Variants in EIF4G3 observed in about 807,000 individuals in gnomAD.
EIF4G3 encodes eukaryotic translation initiation factor 4 gamma 3.
Under a neutral mutation model 186.4 loss-of-function variants are expected in EIF4G3, and 34 were observed. The ratio of observed to expected loss-of-function variants is 0.18; its 90% CI spans 0.14 to 0.24. The LOEUF is 0.24. Ranked by LOEUF, EIF4G3 falls within the 10% of genes least tolerant of loss-of-function variation. The pLI, the probability that EIF4G3 is intolerant of heterozygous loss-of-function variation, is 1.00. For missense variants in EIF4G3, 1,536 were observed against 1,948.5 expected (o/e 0.79, Z 3.99); for synonymous variants, 673 against 679.5 (o/e 0.99, Z 0.15).
intron 29 of EIF4G3, among the ~76,000 whole-genome samples, chr1:20,843,996 G>A (rs918520707): frequency 6.6e-6 from 1 of 152,172 alleles, no homozygotes; most frequent in Non-Finnish European, 1.5e-5. Flanking sequence ...TTGGTCCTTT[G>A]TATGGCTGTA....
At chr1:20,970,876 A>G (rs564426911) in intron 11 of EIF4G3, among the ~76,000 whole-genome samples, 1 of 151,954 alleles carries the variant, frequency 6.6e-6, no homozygotes, top group Non-Finnish European at 1.5e-5. Context: ...AGGCAGGAGA[A>G]TCGCTTGAAC....
rs5772928 is a variant in EIF4G3 at position 20,998,212 on chromosome 1, TACACACACACAC to T, written c.145-591_145-580del. Among the ~76,000 whole-genome samples the T allele has an allele frequency of 7.0e-3, 1,035 of 148,566 alleles. 7 individuals carry two copies. The highest frequency in any genetic ancestry group is 0.02 in the South Asian group (93 of 4,690). On this transcript the variant is annotated intron_variant, in intron 6 of 36. Transcript: ENST00000602326. ...GTTAAAGAAAAATCTTTTATGACTT[TACACACACACAC>T]ACACACACACACACACACACACACA...
chr1:21,150,241 C>A (rs535591191), intron 2 of EIF4G3, among the ~76,000 whole-genome samples: 2 of 152,160 alleles, frequency 1.3e-5, no homozygotes, highest in African/African-American at 4.8e-5. Context: ...AAAGCCAGGA[C>A]GGCAAGGACA....
At chr1:20,828,552 T>C (rs1251457860) in intron 31 of EIF4G3, among the ~76,000 whole-genome samples, 4 of 152,206 alleles carry the variant, frequency 2.6e-5, no homozygotes, top group Non-Finnish European at 5.9e-5. Context: ...ATGCTAAGTA[T>C]GTTTTGTTAA....
chr1:21,167,396 C>T (rs561635803), intron 2 of EIF4G3, among the ~76,000 whole-genome samples: 1 of 152,248 alleles, frequency 6.6e-6, no homozygotes, highest in African/African-American at 2.4e-5. Context: ...ATGCCAGACG[C>T]GATGGCTCAC....
rs34145998 is a variant in EIF4G3, at chr1:21,160,107, C to CAA, written c.-272+16066_-272+16067dup. ...GGGCAGCAAGAGCGAAACTCCATCT[C>CAA]AAAAAAAAAAAAAAAAGATAATGGC... On this transcript the variant is annotated intron_variant, in intron 2 of 36. Transcript: ENST00000602326. Among the ~76,000 whole-genome samples, 105 of 114,072 alleles carry CAA rather than the reference C, an allele frequency of 9.2e-4. 2 individuals are homozygous for CAA. Among genetic ancestry groups the CAA allele is most frequent in the South Asian group, 4.9e-3 (17 of 3,450 alleles). 74.8% of individuals were successfully genotyped at this position (114,072 alleles called of 152,430 possible).
chr1:21,159,365 A>C (rs576325204), intron 2 of EIF4G3, among the ~76,000 whole-genome samples: 1 of 151,816 alleles, frequency 6.6e-6, no homozygotes, highest in East Asian at 1.9e-4. Flanking sequence ...CCTTGAGTCC[A>C]GGAGTTTGAG....
At chr1:20,919,895 A>T (rs2094335259) in intron 14 of EIF4G3, among the ~76,000 whole-genome samples, 1 of 144,448 alleles carries the variant, frequency 6.9e-6, no homozygotes, top group South Asian at 2.2e-4. Flanking sequence ...GACTTCAGTT[A>T]GCCCTCTGGA....
At chr1:21,132,644 T>C (rs2097174167) in intron 2 of EIF4G3, among the ~76,000 whole-genome samples, 1 of 152,122 alleles carries the variant, frequency 6.6e-6, no homozygotes, top group South Asian at 2.1e-4. Flanking sequence ...GTCACTATGT[T>C]GTGTAGGCTG....
chr1:20,892,871 G>A, intron 18 of EIF4G3: 1 of 614,308 alleles, frequency 1.6e-6, no homozygotes. Flanking sequence ...ACAGGGTCTT[G>A]CTTTGTCGCC....
intron 2 of EIF4G3, among the ~76,000 whole-genome samples, chr1:21,151,059 A>G (rs2097540866): frequency 6.6e-6 from 1 of 152,122 alleles, no homozygotes; most frequent in African/African-American, 2.4e-5. Flanking sequence ...ACCAGCAACC[A>G]GTAACCACAT....
intron 2 of EIF4G3, among the ~76,000 whole-genome samples, chr1:21,097,416 T>C (rs144630350): frequency 6.6e-6 from 1 of 152,264 alleles, no homozygotes; most frequent in Non-Finnish European, 1.5e-5. Flanking sequence ...ACAATCCAGA[T>C]AGGAAGAAAG....
chr1:20,842,600 C>T (rs2069071924), intron 29 of EIF4G3, among the ~76,000 whole-genome samples: 1 of 152,092 alleles, frequency 6.6e-6, no homozygotes, highest in Non-Finnish European at 1.5e-5. Flanking sequence ...CTCCTGACCT[C>T]AGGTAATCGC....
At chr1:21,001,092 G>C (rs1279675166) in intron 6 of EIF4G3, 107 bp downstream of exon 6, 1 of 421,354 alleles carries the variant, frequency 2.4e-6, no homozygotes, top group Non-Finnish European at 4.9e-6. Context: ...CAGAGAGGAA[G>C]CAATCAATGC....
chr1:20,892,598 A>C (rs1203820895), intron 18 of EIF4G3: 16 of 1,458,232 alleles, frequency 1.1e-5, no homozygotes, highest in South Asian at 9.7e-5. Flanking sequence ...ATTATTACAA[A>C]AAACAAAGTG....
intron 15 of EIF4G3, among the ~76,000 whole-genome samples, chr1:20,900,724 G>A (rs553709593): frequency 1.3e-5 from 2 of 152,056 alleles, no homozygotes; most frequent in Non-Finnish European, 2.9e-5. Flanking sequence ...CTCTTTTCAC[G>A]ATGGGTATGC....
rs763831589 is a variant in EIF4G3 at position 20,886,273 on chromosome 1, C to T, written c.2352G>A (p.Lys784=). The change falls in exon 19 of 37, where the codon AAG becomes AAA. Residue 784 remains lysine, a synonymous_variant. Transcript: ENST00000602326. ...GGCTTGGCTTCCAGGCATTTTCTGC[C>T]TTTTTCAGGTGTACATCTTCTTTTA... ...VSVKEDVHLK[K]AENAWKPSQK... is the part of the protein sequence containing the mutation. 1 of 1,613,978 alleles carries T rather than the reference C, an allele frequency of 6.2e-7. No homozygotes were observed. The highest frequency in any genetic ancestry group is 8.5e-7 in the Non-Finnish European group (1 of 1,179,962).
intron 22 of EIF4G3, 90 bp downstream of exon 22, chr1:20,864,386 G>A: frequency 2.1e-6 from 2 of 956,910 alleles, no homozygotes; most frequent in East Asian, 4.8e-5. Context: ...AGACCTTTGG[G>A]AAAAGATAGA....
chr1:21,029,192 T>C (rs1477613395), intron 4 of EIF4G3, among the ~76,000 whole-genome samples: 5 of 151,944 alleles, frequency 3.3e-5, no homozygotes, highest in African/African-American at 4.8e-5. Context: ...TAATGTTTTA[T>C]ATTTTTTAGT....
Sources: allele counts gnomAD v4.1 joint callset (sites outside exome capture counted in the v4.1 genomes callset), GRCh38; gene constraint gnomAD v4.1.1; transcripts MANE v1.5; gene names NCBI Gene and HGNC (gene_info 2026-07-23, HGNC 2026-07-21).